Variants in CMSS1 observed in about 807,000 individuals in gnomAD.
The protein encoded by CMSS1 is cms1 ribosomal small subunit homolog.
CMSS1 carries 33 observed loss-of-function variants against 43.5 expected under a neutral mutation model. The ratio of observed to expected loss-of-function variants is 0.76; its 90% confidence interval spans 0.57 to 1.01. The LOEUF (loss-of-function observed/expected upper bound fraction) is 1.01. CMSS1 is among the 50% of genes least tolerant of loss of function. CMSS1 has a pLI of 0.00. For missense variants in CMSS1, 313 were observed against 326.4 expected, an observed-to-expected ratio of 0.96 and a Z score of 0.32; for synonymous variants, 115 against 117.2, an observed-to-expected ratio of 0.98 and a Z score of 0.12.
chr3:100,085,140 TG>T (rs573349024), intron 1 of CMSS1, among the ~76,000 whole-genome samples: 90 of 152,344 alleles, frequency 5.9e-4, no homozygotes, highest in Admixed American at 1.9e-3. Flanking sequence ...GAAACAGTCC[TG>T]ATCAGTTGAA....
chr3:99,824,880 G>T (rs1401844076), intron 1 of CMSS1, among the ~76,000 whole-genome samples: 2 of 152,318 alleles, frequency 1.3e-5, no homozygotes, highest in East Asian at 3.9e-4. Context: ...TTGCTGAAAT[G>T]AGCTTTGTAA....
chr3:99,906,645 G>C (rs1166804492), intron 1 of CMSS1, among the ~76,000 whole-genome samples: 2 of 152,164 alleles, frequency 1.3e-5, no homozygotes, highest in Non-Finnish European at 2.9e-5. Context: ...TAAGTGGTTT[G>C]CACTAAGATT....
chr3:100,027,494 C>G (rs2064947071), intron 1 of CMSS1, among the ~76,000 whole-genome samples: 1 of 152,132 alleles, frequency 6.6e-6, no homozygotes, highest in South Asian at 2.1e-4. Context: ...AGCTTGGGAA[C>G]AGACTTTATG....
chr3:100,033,997 G>T (rs2065064182), intron 1 of CMSS1, among the ~76,000 whole-genome samples: 1 of 152,120 alleles, frequency 6.6e-6, no homozygotes, highest in South Asian at 2.1e-4. Flanking sequence ...CAGACACACA[G>T]TATGGTTATT....
chr3:100,054,372 C>T (rs774515544), intron 1 of CMSS1, among the ~76,000 whole-genome samples: 9 of 152,134 alleles, frequency 5.9e-5, no homozygotes, highest in Non-Finnish European at 1.0e-4. Context: ...AAAACCTAGG[C>T]CTACATTCTT....
chr3:99,843,356 TGGAA>T (rs967224047), intron 1 of CMSS1, among the ~76,000 whole-genome samples: 4 of 152,186 alleles, frequency 2.6e-5, no homozygotes, highest in African/African-American at 9.6e-5. Context: ...CCCAATAAAA[TGGAA>T]GTTTTTATTG....
At chr3:100,042,759 C>T (rs2065225608) in intron 1 of CMSS1, among the ~76,000 whole-genome samples, 1 of 152,082 alleles carries the variant, frequency 6.6e-6, no homozygotes, top group African/African-American at 2.4e-5. Flanking sequence ...ACCATTTCTT[C>T]CACACAAAGG....
chr3:99,865,671 G>A (rs1486491048), intron 1 of CMSS1, among the ~76,000 whole-genome samples: 1 of 151,938 alleles, frequency 6.6e-6, no homozygotes, highest in African/African-American at 2.4e-5. Context: ...CATTTCCATA[G>A]AACATTTCAA....
intron 9 of CMSS1, 83 bp from the exon 10 acceptor site, chr3:100,178,221 AG>A (rs1421114480): frequency 4.0e-6 from 3 of 742,818 alleles, no homozygotes; most frequent in Non-Finnish European, 4.7e-6. Flanking sequence ...GGTAAATATC[AG>A]GGAGTCCTGA....
At chr3:100,068,563 A>G (rs2065706697) in intron 1 of CMSS1, among the ~76,000 whole-genome samples, 1 of 152,260 alleles carries the variant, frequency 6.6e-6, no homozygotes, top group South Asian at 2.1e-4. Flanking sequence ...CAAGTTTCAT[A>G]TAATACATAG....
intron 1 of CMSS1, among the ~76,000 whole-genome samples, chr3:99,965,511 TC>T (rs1708623343): frequency 6.6e-6 from 1 of 152,174 alleles, no homozygotes; most frequent in Admixed American, 6.5e-5. Context: ...CTGAATTTCT[TC>T]CAGATACTTT....
intron 2 of CMSS1, among the ~76,000 whole-genome samples, chr3:100,157,530 C>G (rs796131012): frequency 2.6e-5 from 4 of 152,278 alleles, no homozygotes; most frequent in African/African-American, 9.6e-5. Flanking sequence ...GGATAACAAG[C>G]TGGATTTTTT....
chr3:99,930,177 A>AAACTATATC (rs1707431988), intron 1 of CMSS1: 1 of 668,058 alleles, frequency 1.5e-6, no homozygotes, highest in Non-Finnish European at 2.5e-6. Flanking sequence ...AAAGGTAACA[A>AAACTATATC]AACTATATCC....
intron 1 of CMSS1, among the ~76,000 whole-genome samples, chr3:99,836,591 A>G (rs564364514): frequency 6.6e-6 from 1 of 152,256 alleles, no homozygotes; most frequent in South Asian, 2.1e-4. Context: ...GTACTTCTAC[A>G]TCCCTTTCCC....
At chr3:100,138,585 A>G (rs1576097442) in intron 1 of CMSS1, among the ~76,000 whole-genome samples, 1 of 152,274 alleles carries the variant, frequency 6.6e-6, no homozygotes, top group Admixed American at 6.5e-5. Flanking sequence ...GACATATGAA[A>G]AAAAGCTCAA....
chr3:100,164,928 G>A (rs959063103), intron 4 of CMSS1, among the ~76,000 whole-genome samples: 1 of 152,062 alleles, frequency 6.6e-6, no homozygotes, highest in Non-Finnish European at 1.5e-5. Flanking sequence ...ATACACATGG[G>A]CACTTAATTA....
chr3:99,839,545 C>G (rs1283581144), intron 1 of CMSS1, among the ~76,000 whole-genome samples: 3 of 152,112 alleles, frequency 2.0e-5, no homozygotes, highest in African/African-American at 7.2e-5. Flanking sequence ...TGCTGAAAAC[C>G]AATTCCCTTC....
At chr3:99,948,614 GGA>G (rs1186315332) in intron 1 of CMSS1, among the ~76,000 whole-genome samples, 1 of 147,938 alleles carries the variant, frequency 6.8e-6, no homozygotes, top group Non-Finnish European at 1.5e-5. Context: ...GGAGGGGAAG[GGA>G]GAGAGAGAGG....
chr3:100,091,974 A>C (rs1054443866), intron 1 of CMSS1, among the ~76,000 whole-genome samples: 1 of 152,218 alleles, frequency 6.6e-6, no homozygotes, highest in Non-Finnish European at 1.5e-5. Flanking sequence ...TTTACCAGCT[A>C]TCTGTCCTAG....
Sources: gnomAD v4.1 joint callset for allele counts (sites outside exome capture counted in the v4.1 genomes callset) on GRCh38, gnomAD v4.1.1 for gene constraint, MANE v1.5 for transcripts, NCBI Gene and HGNC (gene_info 2026-07-23, HGNC 2026-07-21) for gene names.